DOCK1: variants seen among roughly 807,000 people sequenced by gnomAD.
DOCK1 encodes dedicator of cytokinesis 1, also known as dedicator of cytokinesis protein 1.
In DOCK1, 138 loss-of-function variants were observed where a neutral mutation model predicts 262.7. The ratio of observed to expected loss-of-function variants is 0.53; its 90% CI spans 0.46 to 0.61. The LOEUF (loss-of-function observed/expected upper bound fraction) is 0.61, where lower values mean the gene tolerates loss of function less well. DOCK1 is among the 20% of genes least tolerant of loss of function. The probability of loss-of-function intolerance (pLI) is 0.00; values close to 1 mark genes in which losing one functional copy is unlikely to be tolerated. For missense variants in DOCK1, 1,908 were observed against 2,370.7 expected (o/e 0.80, Z 4.05); for synonymous variants, 866 against 867.4 (o/e 1.00, Z 0.03).
chr10:127,306,954 G>T (rs1173099308), intron 29 of DOCK1, among the ~76,000 whole-genome samples: 1 of 152,132 alleles, frequency 6.6e-6, no homozygotes, highest in South Asian at 2.1e-4. Context: ...ATTGAAAGAT[G>T]CAATACTCTG....
At chr10:126,915,238 C>T (rs1464403228) in intron 1 of DOCK1, among the ~76,000 whole-genome samples, 2 of 152,154 alleles carry the variant, frequency 1.3e-5, no homozygotes, top group East Asian at 3.9e-4. Context: ...AGGACTTTCA[C>T]CCTGAAAGTC....
At chr10:127,280,878 A>G (rs920800667) in intron 29 of DOCK1, among the ~76,000 whole-genome samples, 3 of 152,096 alleles carry the variant, frequency 2.0e-5, no homozygotes, top group African/African-American at 7.2e-5. Context: ...CAACTTTACC[A>G]TTGGTAAAAT....
chr10:127,130,065 C>CTTTTTTTTTTTTTT (rs74721427), intron 27 of DOCK1, among the ~76,000 whole-genome samples: 5 of 117,544 alleles, frequency 4.3e-5, no homozygotes, highest in African/African-American at 2.0e-4. Flanking sequence ...TTAGGGTCTT[C>CTTTTTTTTTTTTTT]TTTTTTTTTT....
intron 29 of DOCK1, among the ~76,000 whole-genome samples, chr10:127,307,559 C>T (rs1293569028): frequency 6.6e-6 from 1 of 152,228 alleles, no homozygotes; most frequent in African/African-American, 2.4e-5. Context: ...GTCACATAGT[C>T]ATGATCCTTC....
At chr10:127,118,858 T>A (rs150532312) in intron 25 of DOCK1, among the ~76,000 whole-genome samples, 1 of 152,360 alleles carries the variant, frequency 6.6e-6, no homozygotes, top group East Asian at 1.9e-4. Context: ...AAAGGAAAAG[T>A]GACCTACCAA....
intron 27 of DOCK1, among the ~76,000 whole-genome samples, chr10:127,193,190 TC>T (rs1056613312): frequency 1.3e-5 from 2 of 152,134 alleles, no homozygotes; most frequent in African/African-American, 4.8e-5. Context: ...ACCAGTGGAA[TC>T]ATGGTGGGGA....
chr10:126,925,724 CTGTGTGTGTGTGTGTGTGTGTGTGTG>C (rs71032531), intron 1 of DOCK1, among the ~76,000 whole-genome samples: 3 of 141,206 alleles, frequency 2.1e-5, no homozygotes, highest in Non-Finnish European at 3.1e-5. Context: ...ATTGCAGAGT[CTGTGTGTGTGTGTGTGTGTGTGTGTG>C]TGTGTGTGTG....
chr10:127,132,519 T>G (rs61085103), intron 27 of DOCK1, among the ~76,000 whole-genome samples: 2,432 of 152,300 alleles, frequency 0.016, 71 homozygotes, highest in African/African-American at 0.055. Flanking sequence ...AGGATTTATT[T>G]CAGCCTTCCT....
chr10:127,365,616 A>G (rs932997042), intron 33 of DOCK1, among the ~76,000 whole-genome samples: 1 of 152,254 alleles, frequency 6.6e-6, no homozygotes, highest in South Asian at 2.1e-4. Context: ...TGTTTAAAAC[A>G]TCATTCTATT....
chr10:127,138,574 C>T (rs891140015), intron 27 of DOCK1, among the ~76,000 whole-genome samples: 6 of 152,108 alleles, frequency 3.9e-5, no homozygotes, highest in African/African-American at 7.2e-5. Context: ...GCCATAGTGC[C>T]CAACGCTGGG....
chr10:127,250,403 TG>T (rs2059584236), intron 28 of DOCK1, among the ~76,000 whole-genome samples: 1 of 152,232 alleles, frequency 6.6e-6, no homozygotes, highest in East Asian at 1.9e-4. Context: ...AGATGTTTAC[TG>T]TGTGTTGTGG....
At chr10:126,994,530 G>A (rs192718729) in intron 6 of DOCK1, among the ~76,000 whole-genome samples, 195 of 152,264 alleles carry the variant, frequency 1.3e-3, no homozygotes, top group African/African-American at 4.3e-3. Flanking sequence ...CTCTTAAGGA[G>A]CATGCTGCCT....
chr10:127,262,414 C>T (rs2060206458), intron 29 of DOCK1, among the ~76,000 whole-genome samples: 1 of 152,134 alleles, frequency 6.6e-6, no homozygotes, highest in South Asian at 2.1e-4. Flanking sequence ...GCTCCCAAGC[C>T]CACACAGCAC....
chr10:127,047,540 A>T (rs373981496), intron 21 of DOCK1, among the ~76,000 whole-genome samples: 13 of 152,210 alleles, frequency 8.5e-5, no homozygotes, highest in African/African-American at 2.7e-4. Flanking sequence ...AAATTGTTAT[A>T]ATTTGCATAC....
intron 27 of DOCK1, among the ~76,000 whole-genome samples, chr10:127,220,186 T>C (rs2058372653): frequency 1.3e-5 from 2 of 151,790 alleles, no homozygotes; most frequent in South Asian, 4.2e-4. Flanking sequence ...TGGGAAGTTG[T>C]CTGTCTCAGT....
At chr10:127,106,997 G>A (rs937545361) in intron 24 of DOCK1, among the ~76,000 whole-genome samples, 1 of 152,000 alleles carries the variant, frequency 6.6e-6, no homozygotes, top group African/African-American at 2.4e-5. Context: ...TCACTCTGTT[G>A]CCCAGGCTGT....
chr10:127,430,991 G>A (rs1190024422), intron 47 of DOCK1, among the ~76,000 whole-genome samples: 1 of 152,190 alleles, frequency 6.6e-6, no homozygotes, highest in African/African-American at 2.4e-5. Flanking sequence ...AGGGTAAGGA[G>A]CCCTGTGGGC....
At chr10:126,945,001 G>C (rs2035285981) in intron 1 of DOCK1, among the ~76,000 whole-genome samples, 1 of 151,974 alleles carries the variant, frequency 6.6e-6, no homozygotes, top group African/African-American at 2.4e-5. Context: ...ACCATACCTG[G>C]CTAATTTTTG....
rs371513402 is a variant in DOCK1, at chr10:127,354,632, G to A, written c.3225-37G>A. The A allele has an allele frequency of 1.2e-5, 20 of 1,612,676 alleles. No homozygotes were observed. Among genetic ancestry groups the A allele is most frequent in the African/African-American group, 6.7e-5 (5 of 74,898 alleles). Reference sequence around the variant, plus strand: ...CCAGTCCGATTTTCAAATGCCTTCCGGAGTGATTCAGCGTTTTTCTTTTCC... The same window carrying A: ...CCAGTCCGATTTTCAAATGCCTTCCAGAGTGATTCAGCGTTTTTCTTTTCC... On this transcript the variant is annotated intron_variant, in intron 31 of 51. Transcript: ENST00000623213.
Sources: allele counts gnomAD v4.1 joint callset (sites outside exome capture counted in the v4.1 genomes callset), GRCh38; gene constraint gnomAD v4.1.1; transcripts MANE v1.5; gene names NCBI Gene and HGNC (gene_info 2026-07-23, HGNC 2026-07-21).